The following ATP5PD variants were observed in gnomAD, a reference collection of about 807,000 sequenced individuals.
ATP5PD encodes ATP synthase peripheral stalk subunit d.
Under a neutral mutation model 22.6 loss-of-function variants are expected in ATP5PD, and 13 were observed. The observed-to-expected ratio is 0.58, with a 90% CI of 0.37 to 0.91. The LOEUF is 0.91. ATP5PD is among the 40% of genes least tolerant of loss of function. ATP5PD has a pLI of 0.00. For synonymous variants in ATP5PD, 51 were observed against 65.0 expected (o/e 0.79, Z 1.03); for missense variants, 165 against 188.0 (o/e 0.88, Z 0.72).
At chr17:75,045,190 G>A (rs1348352230) in intron 1 of ATP5PD, among the ~76,000 whole-genome samples, 3 of 152,210 alleles carry the variant, frequency 2.0e-5, no homozygotes, top group East Asian at 3.8e-4. Context: ...GTTTCAAAAG[G>A]GGAGGGAGTA....
intron 3 of ATP5PD, chr17:75,041,811 C>A: frequency 5.9e-6 from 1 of 170,190 alleles, no homozygotes; most frequent in Non-Finnish European, 1.2e-5. Flanking sequence ...GGCTGTAGCG[C>A]GTTATGCCGA....
chr17:75,039,949 C>T, intron 4 of ATP5PD, 143 bp downstream of exon 4: 2 of 831,076 alleles, frequency 2.4e-6, no homozygotes, highest in Non-Finnish European at 3.9e-6. Context: ...GAAATTCGTC[C>T]ATGTTGTTGC....
At chr17:75,040,332 A>G (rs1462756903) in intron 3 of ATP5PD, 169 bp from the exon 4 acceptor site, 1 of 698,312 alleles carries the variant, frequency 1.4e-6, no homozygotes, top group African/African-American at 1.8e-5. Flanking sequence ...GCATCTCAAT[A>G]CTGGAGTAGA....
intron 1 of ATP5PD, among the ~76,000 whole-genome samples, chr17:75,045,118 A>G (rs1413866680): frequency 6.6e-6 from 1 of 152,198 alleles, no homozygotes; most frequent in African/African-American, 2.4e-5. Context: ...GGGAGACATC[A>G]CACGTTGGTA....
At chr17:75,041,906 G>A (rs751916277) in intron 3 of ATP5PD, 6 of 292,452 alleles carry the variant, frequency 2.1e-5, no homozygotes, top group East Asian at 1.2e-4. Context: ...GGGGTGAACC[G>A]GCCCAGGTCA....
At chr17:75,042,160 T>C in intron 3 of ATP5PD, 21 bp downstream of exon 3, 2 of 1,605,496 alleles carry the variant, frequency 1.2e-6, no homozygotes, top group Non-Finnish European at 1.7e-6. Flanking sequence ...AGCTCAGTGC[T>C]TTAGAGGTGT....
intron 1 of ATP5PD, among the ~76,000 whole-genome samples, chr17:75,045,194 G>A (rs1460803148): frequency 5.3e-5 from 8 of 152,180 alleles, no homozygotes; most frequent in Non-Finnish European, 8.8e-5. Context: ...CAAAAGGGGA[G>A]GGAGTATACG....
At chr17:75,040,566 G>A (rs2073148867) in intron 3 of ATP5PD, 1 of 215,020 alleles carries the variant, frequency 4.7e-6, no homozygotes. Flanking sequence ...AAGGAGCACT[G>A]CGTAATGAAT....
Position 75,039,256 on chromosome 17 carries a change from C to G in ATP5PD, c.307G>C (p.Glu103Gln). ...CTGGCCTTTGAGAGAGACACCCACTCAGCACAAGATTTCACCTTTAAGAAG... is the reference window on the plus strand; with the variant it reads ...CTGGCCTTTGAGAGAGACACCCACTGAGCACAAGATTTCACCTTTAAGAAG... ...EEKEDVKSCA[E>Q]WVSLSKARIV... The change falls in exon 5 of 6, where the codon GAG becomes CAG. Residue 103 changes from glutamate (E) to glutamine (Q), a missense_variant. Glu to Gln is a conservative substitution (Grantham distance 29, BLOSUM62 2). Transcript: ENST00000301587. 2 of 1,614,174 alleles carry G rather than the reference C, an allele frequency of 1.2e-6. No individual in the cohort carries two copies. The highest frequency in any genetic ancestry group is 1.3e-5 in the African/African-American group (1 of 75,038).
chr17:75,039,345 GTCCCA>G, intron 4 of ATP5PD, 74 bp from the exon 5 acceptor site: 1 of 1,357,228 alleles, frequency 7.4e-7, no homozygotes, highest in Non-Finnish European at 1.0e-6. Context: ...GGTAGGAGTC[GTCCCA>G]GCCCACTCCT....
Position 75,039,077 on chromosome 17 carries a change from G to C in ATP5PD, c.355-14C>G, listed in dbSNP as rs879559676. The C allele has an allele frequency of 1.2e-6, 2 of 1,613,798 alleles. No individual in the cohort carries two copies. The highest frequency in any genetic ancestry group is 1.7e-6 in the Non-Finnish European group (2 of 1,179,886). On this transcript the variant is annotated splice_polypyrimidine_tract_variant and intron_variant, in intron 5 of 5. Transcript: ENST00000301587. ...CATCTTCTCCATCTGGAAAGAGGGG[G>C]AATGTGTTTAGTTAATGTAAACAGA...
chr17:75,042,178 C>T lies in ATP5PD; in HGVS notation c.219+3G>A. 6.2e-7 allele frequency: 1 copy of T among 1,613,484 alleles called. No homozygotes were observed. Among genetic ancestry groups the T allele is most frequent in the Non-Finnish European group, 8.5e-7 (1 of 1,179,590 alleles). ...TCAGTGCTTTAGAGGTGTGAAGTCT[C>T]ACCTTCTTCTCAAAGTCATCCACCA... On this transcript the variant is annotated splice_donor_region_variant and intron_variant, in intron 3 of 5. Coordinates refer to ENST00000301587, the MANE Select transcript of ATP5PD (RefSeq NM_006356.3).
chr17:75,040,064 A>AAATG (rs2073143428), intron 4 of ATP5PD, 28 bp downstream of exon 4: 1 of 1,612,064 alleles, frequency 6.2e-7, no homozygotes, highest in African/African-American at 1.3e-5. Context: ...AGAGAATTTT[A>AAATG]GAATAAGCAG....
chr17:75,040,931 A>G (rs1457025287), intron 3 of ATP5PD: 1 of 151,916 alleles, frequency 6.6e-6, no homozygotes, highest in African/African-American at 2.4e-5. Context: ...TCCAGCACTT[A>G]ACACTACCTG....
chr17:75,045,726 T>C (rs2073208320), intron 1 of ATP5PD, among the ~76,000 whole-genome samples: 1 of 152,230 alleles, frequency 6.6e-6, no homozygotes. Flanking sequence ...CCACATTTCA[T>C]ATTGCTCAAA....
intron 4 of ATP5PD, chr17:75,039,612 C>CAGTG (rs1459054608): frequency 6.4e-6 from 2 of 310,924 alleles, no homozygotes; most frequent in Non-Finnish European, 1.2e-5. Flanking sequence ...TCTGGTGGAG[C>CAGTG]CACTGAGTTC....
intron 1 of ATP5PD, among the ~76,000 whole-genome samples, chr17:75,045,068 C>CA (rs2073199549): frequency 6.6e-6 from 1 of 152,166 alleles, no homozygotes; most frequent in South Asian, 2.1e-4. Flanking sequence ...ACTGGCTTGA[C>CA]AGAGTACAAA....
At chr17:75,040,743 G>A (rs905441855) in intron 3 of ATP5PD, 2 of 152,598 alleles carry the variant, frequency 1.3e-5, no homozygotes, top group African/African-American at 4.8e-5. Flanking sequence ...AAAATTAGCT[G>A]TGCAAGGTGG....
intron 3 of ATP5PD, 79 bp downstream of exon 3, chr17:75,042,102 T>C: frequency 8.1e-7 from 1 of 1,239,466 alleles, no homozygotes; most frequent in Non-Finnish European, 1.2e-6. Context: ...TGTCATGCTG[T>C]GTATGTAATT....
Sources: allele counts gnomAD v4.1 joint callset (sites outside exome capture counted in the v4.1 genomes callset), GRCh38; gene constraint gnomAD v4.1.1; transcripts MANE v1.5; gene names NCBI Gene and HGNC (gene_info 2026-07-23, HGNC 2026-07-21).